SLC35G2: variants seen among roughly 807,000 people sequenced by gnomAD.
The protein encoded by SLC35G2 is solute carrier family 35 member G2.
SLC35G2 carries 20 observed loss-of-function variants against 27.2 expected under a neutral mutation model. The ratio of observed to expected loss-of-function variants is 0.74; its 90% CI spans 0.52 to 1.07. The LOEUF (loss-of-function observed/expected upper bound fraction) is 1.07, where lower values mean the gene tolerates loss of function less well. Among genes scored for constraint, SLC35G2 ranks in the 50% least tolerant of loss-of-function variants. The probability of loss-of-function intolerance (pLI) is 0.00; values close to 1 mark genes in which losing one functional copy is unlikely to be tolerated. For synonymous variants in SLC35G2, 148 were observed against 165.3 expected (o/e 0.90, Z 0.80); for missense variants, 416 against 493.3 (o/e 0.84, Z 1.48).
intron 1 of SLC35G2, among the ~76,000 whole-genome samples, chr3:136,850,434 A>G (rs141761826): frequency 1.3e-5 from 2 of 152,240 alleles, no homozygotes; most frequent in East Asian, 1.9e-4. Flanking sequence ...TATCCTTACC[A>G]CTAAGCATAT....
chr3:136,854,324 T>C (rs1458653468), intron 1 of SLC35G2, 119 bp from the exon 2 acceptor site: 9 of 671,026 alleles, frequency 1.3e-5, no homozygotes, highest in Non-Finnish European at 2.2e-5. Flanking sequence ...AATTTCTTTT[T>C]TTTCTGGACT....
intron 1 of SLC35G2, among the ~76,000 whole-genome samples, chr3:136,832,139 G>T (rs1431483112): frequency 6.6e-6 from 1 of 151,774 alleles, no homozygotes; most frequent in Admixed American, 6.6e-5. Flanking sequence ...TCAGCCTCCC[G>T]AGTAGCTGGG....
chr3:136,829,694 T>A (rs1346311636), intron 1 of SLC35G2, among the ~76,000 whole-genome samples: 1 of 97,216 alleles, frequency 1.0e-5, no homozygotes, highest in African/African-American at 3.6e-5. Flanking sequence ...TATACTACTC[T>A]AGGGTAAATT....
At chr3:136,833,060 ACT>A (rs1462107629) in intron 1 of SLC35G2, among the ~76,000 whole-genome samples, 2 of 123,674 alleles carry the variant, frequency 1.6e-5, no homozygotes, top group South Asian at 3.0e-4. Flanking sequence ...CAACAGCGAG[ACT>A]CTGTCTCAAA....
At chr3:136,847,033 G>T (rs1197454163) in intron 1 of SLC35G2, among the ~76,000 whole-genome samples, 3 of 152,076 alleles carry the variant, frequency 2.0e-5, no homozygotes, top group African/African-American at 7.2e-5. Context: ...TGGGCGTGGT[G>T]GTGCATGCCT....
At chr3:136,844,219 G>T (rs931156214) in intron 1 of SLC35G2, among the ~76,000 whole-genome samples, 3 of 151,938 alleles carry the variant, frequency 2.0e-5, no homozygotes, top group Non-Finnish European at 4.4e-5. Context: ...GCCAGGCGCG[G>T]TGGCTCACAC....
At chr3:136,825,517 C>T (rs1487281816) in intron 1 of SLC35G2, among the ~76,000 whole-genome samples, 2 of 152,132 alleles carry the variant, frequency 1.3e-5, no homozygotes, top group East Asian at 3.9e-4. Flanking sequence ...GCTGGGATTA[C>T]AGGCATGAGC....
chr3:136,833,419 A>G (rs1183473605), intron 1 of SLC35G2, among the ~76,000 whole-genome samples: 8 of 152,212 alleles, frequency 5.3e-5, no homozygotes, highest in Admixed American at 5.2e-4. Flanking sequence ...TAGGTGGTCA[A>G]TCAGAAACTG....
At chr3:136,831,786 G>T (rs969982909) in intron 1 of SLC35G2, among the ~76,000 whole-genome samples, 20 of 152,114 alleles carry the variant, frequency 1.3e-4, no homozygotes, top group African/African-American at 4.8e-4. Context: ...ACCAAACCTT[G>T]CTGAGCTTCG....
At chr3:136,826,371 A>C (rs1315829780) in intron 1 of SLC35G2, among the ~76,000 whole-genome samples, 1 of 152,144 alleles carries the variant, frequency 6.6e-6, no homozygotes, top group Middle Eastern at 3.2e-3. Context: ...AGAACTTTAG[A>C]ATTCAGTAAA....
chr3:136,841,272 C>T (rs767421732), intron 1 of SLC35G2, among the ~76,000 whole-genome samples: 29 of 152,078 alleles, frequency 1.9e-4, no homozygotes, highest in Non-Finnish European at 3.5e-4. Flanking sequence ...GGACACAACA[C>T]CAAAACTAGA....
intron 1 of SLC35G2, among the ~76,000 whole-genome samples, chr3:136,822,485 T>A (rs2107993461): frequency 6.6e-6 from 1 of 152,294 alleles, no homozygotes; most frequent in East Asian, 1.9e-4. Context: ...CAGCTAATTT[T>A]TGTATTTTTA....
intron 1 of SLC35G2, among the ~76,000 whole-genome samples, chr3:136,822,607 G>T (rs544142888): frequency 6.6e-6 from 1 of 152,280 alleles, no homozygotes; most frequent in South Asian, 2.1e-4. Flanking sequence ...GAGCCACTGC[G>T]CCCAGCGTAC....
In SLC35G2 at chr3:136,855,345, G is replaced by A. The variant is rs763189326; in HGVS notation, c.885G>A (p.Gly295=). 9 of 1,614,174 alleles carry A rather than the reference G, an allele frequency of 5.6e-6. 1 individual carries two copies. The East Asian group carries it at 2.0e-4, about 36-fold the overall frequency. The change falls in exon 2 of 2, where the codon GGG becomes GGA. Residue 295 remains glycine, a synonymous_variant. Transcript: ENST00000446465. ...CACTGTTTACTTTTGGTTGGACTGG[G>A]ACAATTTGGGGAATATCTACTATGT... is the stretch of plus-strand genomic sequence containing the variant. ...WTALFTFGWT[G]TIWGISTMFI...
chr3:136,844,484 G>C (rs1206999817), intron 1 of SLC35G2, among the ~76,000 whole-genome samples: 1 of 139,096 alleles, frequency 7.2e-6, no homozygotes, highest in Non-Finnish European at 1.5e-5. Context: ...GCGAGACTCC[G>C]TCTCAAAAAA....
intron 1 of SLC35G2, among the ~76,000 whole-genome samples, chr3:136,820,903 C>T (rs1936441212): frequency 6.6e-6 from 1 of 151,744 alleles, no homozygotes; most frequent in Non-Finnish European, 1.5e-5. Flanking sequence ...ATATTGATAC[C>T]AAAAAAATTC....
At chr3:136,831,975 A>C (rs944558760) in intron 1 of SLC35G2, among the ~76,000 whole-genome samples, 1 of 151,988 alleles carries the variant, frequency 6.6e-6, no homozygotes, top group African/African-American at 2.4e-5. Context: ...GGGGTTAACA[A>C]ACTGTAAACT....
chr3:136,849,040 G>A (rs1212071560), intron 1 of SLC35G2, among the ~76,000 whole-genome samples: 3 of 152,012 alleles, frequency 2.0e-5, no homozygotes, highest in Non-Finnish European at 2.9e-5. Flanking sequence ...TTAGCCGGGC[G>A]TGGTGGCACA....
At chr3:136,846,366 C>T (rs939591946) in intron 1 of SLC35G2, among the ~76,000 whole-genome samples, 2 of 152,198 alleles carry the variant, frequency 1.3e-5, no homozygotes, top group Non-Finnish European at 2.9e-5. Context: ...TTCAAGCAGA[C>T]ACCAAACTGT....
Sources: gnomAD v4.1 joint callset for allele counts (sites outside exome capture counted in the v4.1 genomes callset) on GRCh38, gnomAD v4.1.1 for gene constraint, MANE v1.5 for transcripts, NCBI Gene and HGNC (gene_info 2026-07-23, HGNC 2026-07-21) for gene names.